The following NFATC1 variants were observed in gnomAD, a reference collection of about 807,000 sequenced individuals.
The protein encoded by NFATC1 is nuclear factor of activated T cells 1, also known as nuclear factor of activated T-cells, cytoplasmic 1.
A neutral mutation model predicts 76.0 loss-of-function variants in NFATC1; 22 were observed. The ratio of observed to expected loss-of-function variants is 0.29; its 90% CI spans 0.21 to 0.41. The LOEUF (loss-of-function observed/expected upper bound fraction) is 0.41. NFATC1 is among the 10% of genes least tolerant of loss of function. NFATC1 has a pLI of 1.00. For missense variants in NFATC1, 1,357 were observed against 1,337.7 expected (o/e 1.01, Z -0.23); for synonymous variants, 704 against 613.1 (o/e 1.15, Z -2.19).
intron 1 of NFATC1, among the ~76,000 whole-genome samples, chr18:79,396,980 G>A (rs1026048195): frequency 7.2e-5 from 11 of 152,212 alleles, no homozygotes; most frequent in Admixed American, 7.2e-4. Context: ...TCCAGCCAGA[G>A]AAGATGTTTC....
At chr18:79,461,748 G>A (rs1013491210) in intron 7 of NFATC1, among the ~76,000 whole-genome samples, 4 of 152,192 alleles carry the variant, frequency 2.6e-5, no homozygotes, top group Admixed American at 1.3e-4. Flanking sequence ...CAGGCTCCTG[G>A]GAGTCAGTGC....
intron 9 of NFATC1, among the ~76,000 whole-genome samples, chr18:79,523,176 G>A (rs1485945592): frequency 6.6e-6 from 1 of 152,252 alleles, no homozygotes; most frequent in Non-Finnish European, 1.5e-5. Flanking sequence ...GGAAATGGTA[G>A]TTTGTTCATT....
In NFATC1 at chr18:79,467,494, A is replaced by G. The variant is rs1265372046; in HGVS notation, c.2004A>G (p.Ile668Met). ...TCCCGCCATTTCGGAATCAGAGGAT[A>G]ACCAGCCCCGTTCACGTCAGTTTCT... is the stretch of plus-strand genomic sequence containing the variant. ...VEIPPFRNQR[I>M]TSPVHVSFYV... The change falls in exon 8 of 10, where the codon ATA becomes ATG. Residue 668 changes from isoleucine to methionine, a missense_variant. Transcript: ENST00000427363. 1 of 1,612,722 alleles carries G rather than the reference A, an allele frequency of 6.2e-7. No individual in the cohort carries two copies. The highest frequency in any genetic ancestry group is 8.5e-7 in the Non-Finnish European group (1 of 1,179,048).
chr18:79,490,805 C>T (rs1373169467), intron 9 of NFATC1, among the ~76,000 whole-genome samples: 2 of 152,150 alleles, frequency 1.3e-5, no homozygotes, highest in Non-Finnish European at 2.9e-5. Flanking sequence ...GGGTCGGCCC[C>T]TCCCCTGCAG....
intron 9 of NFATC1, among the ~76,000 whole-genome samples, chr18:79,490,944 T>C (rs2089661046): frequency 6.6e-6 from 1 of 151,692 alleles, no homozygotes; most frequent in South Asian, 2.1e-4. Context: ...AAGACCTGAA[T>C]TGTAAGGTGG....
chr18:79,466,912 G>A (rs1000872517), intron 7 of NFATC1, among the ~76,000 whole-genome samples: 7 of 152,172 alleles, frequency 4.6e-5, no homozygotes, highest in South Asian at 2.1e-4. Context: ...CGGAGCCTTG[G>A]GTCGTTTTCT....
Position 79,476,582 on chromosome 18 carries a change from G to A in NFATC1, c.2092+9000G>A, listed in dbSNP as rs534945520. On this transcript the variant is annotated intron_variant, in intron 8 of 9. Coordinates refer to ENST00000427363, the MANE Select transcript of NFATC1 (RefSeq NM_001278669.2). ...CGCTGCCACCTGAGACCCCCATCAA[G>A]TACCTGAGCTCTGCGTCTGTTTTCA... Among the ~76,000 whole-genome samples the A allele has an allele frequency of 1.1e-4, 16 of 152,256 alleles. No homozygotes were observed. In the South Asian group the frequency reaches 3.3e-3, roughly 32 times the overall value.
intron 6 of NFATC1, among the ~76,000 whole-genome samples, chr18:79,453,450 G>T (rs1247718294): frequency 6.6e-6 from 1 of 152,282 alleles, no homozygotes; most frequent in Admixed American, 6.5e-5. Flanking sequence ...GAGCCAAGGG[G>T]ATGCAGGACC....
At chr18:79,517,073 C>T (rs557538219) in intron 9 of NFATC1, among the ~76,000 whole-genome samples, 4 of 152,320 alleles carry the variant, frequency 2.6e-5, no homozygotes, top group South Asian at 2.1e-4. Context: ...CATCAAATGG[C>T]GTTCTTACTC....
intron 9 of NFATC1, among the ~76,000 whole-genome samples, chr18:79,510,843 ATCCTCTG>A (rs2090228369): frequency 1.3e-5 from 2 of 149,120 alleles, no homozygotes; most frequent in Non-Finnish European, 3.0e-5. Flanking sequence ...CTGCCGGGGC[ATCCTCTG>A]CCGGGGCATC....
chr18:79,475,562 C>T (rs147567384), intron 8 of NFATC1, among the ~76,000 whole-genome samples: 16 of 152,050 alleles, frequency 1.1e-4, no homozygotes, highest in East Asian at 2.0e-4. Flanking sequence ...TGTGTTCTCA[C>T]GCTCACTGTC....
At chr18:79,427,472 C>G (rs1294553723) in intron 2 of NFATC1, among the ~76,000 whole-genome samples, 1 of 24,646 alleles carries the variant, frequency 4.1e-5, no homozygotes, top group African/African-American at 1.5e-4. Flanking sequence ...TGGGTGGGGG[C>G]TGTACCACTG....
chr18:79,492,708 C>CAAA (rs71338048), intron 9 of NFATC1, among the ~76,000 whole-genome samples: 10 of 118,872 alleles, frequency 8.4e-5, no homozygotes, highest in Non-Finnish European at 1.2e-4. Context: ...GACTCCATCT[C>CAAA]AAAAAAAAAA....
intron 9 of NFATC1, among the ~76,000 whole-genome samples, chr18:79,521,067 ATGTG>A (rs1221188930): frequency 1.9e-5 from 1 of 52,922 alleles, no homozygotes; most frequent in Non-Finnish European, 3.4e-5. Context: ...ATGTGTGTCC[ATGTG>A]TGTGTGGGGG....
chr18:79,419,367 C>T (rs917556732), intron 2 of NFATC1, among the ~76,000 whole-genome samples: 4 of 152,142 alleles, frequency 2.6e-5, no homozygotes, highest in African/African-American at 9.7e-5. Flanking sequence ...CACCGAAGAC[C>T]GAGTGCCCGG....
chr18:79,469,973 C>G (rs1459402994), intron 8 of NFATC1: 3 of 985,412 alleles, frequency 3.0e-6, no homozygotes, highest in Non-Finnish European at 3.6e-6. Context: ...CTCGAGGCCA[C>G]TGTCAGTGTG....
At chr18:79,495,097 G>A (rs983461819) in intron 9 of NFATC1, among the ~76,000 whole-genome samples, 9 of 152,224 alleles carry the variant, frequency 5.9e-5, no homozygotes, top group African/African-American at 1.9e-4. Context: ...GCACTGAGAC[G>A]GGTGCTGAAC....
At chr18:79,454,513 C>T (rs987579140) in intron 6 of NFATC1, among the ~76,000 whole-genome samples, 8 of 152,164 alleles carry the variant, frequency 5.3e-5, no homozygotes, top group African/African-American at 1.9e-4. Flanking sequence ...AAGGGCATGG[C>T]TCGCCGTAGC....
At chr18:79,439,903 C>T (rs1459775264) in intron 3 of NFATC1, among the ~76,000 whole-genome samples, 2 of 152,144 alleles carry the variant, frequency 1.3e-5, no homozygotes, top group Non-Finnish European at 2.9e-5. Context: ...GTCGGCCCAG[C>T]CAGTCACTGC....
Sources: allele counts gnomAD v4.1 joint callset (sites outside exome capture counted in the v4.1 genomes callset), GRCh38; gene constraint gnomAD v4.1.1; transcripts MANE v1.5; gene names NCBI Gene and HGNC (gene_info 2026-07-23, HGNC 2026-07-21).